Variants in KHDRBS2 observed in about 807,000 individuals in gnomAD.
The protein encoded by KHDRBS2 is KH RNA binding domain containing, signal transduction associated 2, also known as KH domain-containing, RNA-binding, signal transduction-associated protein 2.
In KHDRBS2, 26 loss-of-function variants were observed where a neutral mutation model predicts 44.3. That is an observed-to-expected ratio of 0.59 (90% confidence interval 0.43 to 0.81). The LOEUF is 0.81. Among genes scored for constraint, KHDRBS2 ranks in the 40% least tolerant of loss-of-function variants. The pLI is 0.00. For synonymous variants in KHDRBS2, 194 were observed against 151.1 expected, an observed-to-expected ratio of 1.28 and a Z score of -2.08; for missense variants, 476 against 433.1, an observed-to-expected ratio of 1.10 and a Z score of -0.88.
At chr6:62,061,198 G>C (rs1167192309) in intron 2 of KHDRBS2, among the ~76,000 whole-genome samples, 1 of 151,484 alleles carries the variant, frequency 6.6e-6, no homozygotes, top group African/African-American at 2.4e-5. Context: ...TGTTATGTGT[G>C]AATTTGATCC....
chr6:62,251,904 G>A (rs1170706784), intron 1 of KHDRBS2, among the ~76,000 whole-genome samples: 1 of 151,776 alleles, frequency 6.6e-6, no homozygotes, highest in Non-Finnish European at 1.5e-5. Context: ...TAAAAGTTGT[G>A]AGGATAATAA....
At chr6:61,988,301 G>T (rs1775456213) in intron 3 of KHDRBS2, among the ~76,000 whole-genome samples, 1 of 152,114 alleles carries the variant, frequency 6.6e-6, no homozygotes, top group African/African-American at 2.4e-5. Flanking sequence ...AAAGTTGATA[G>T]GTCTTCACTC....
chr6:61,978,166 C>T lies in KHDRBS2; in HGVS notation c.383G>A (p.Ser128Asn). The T allele has an allele frequency of 5.6e-6, 9 of 1,611,222 alleles. No homozygotes were observed. The highest frequency in any genetic ancestry group is 7.6e-6 in the Non-Finnish European group (9 of 1,178,476). Reference sequence around the variant, plus strand: ...TTCAATTAATACATGAAGCTCATCACTCAAGTGGGCATATTTGGCTTCCCC... The same window carrying T: ...TTCAATTAATACATGAAGCTCATCATTCAAGTGGGCATATTTGGCTTCCCC... Reference protein sequence around the residue: ...KSGEAKYAHLSDELHVLIEVF... With the variant: ...KSGEAKYAHLNDELHVLIEVF... Residue 128 changes from serine (S) to asparagine (N), a missense_variant, in exon 4 of 9, where the codon AGT becomes AAT. Transcript: ENST00000281156.
intron 1 of KHDRBS2, among the ~76,000 whole-genome samples, chr6:62,238,200 G>A (rs1034638451): frequency 5.9e-5 from 9 of 152,078 alleles, no homozygotes; most frequent in Admixed American, 5.9e-4. Context: ...TTGCACAGTA[G>A]CTTATTAATA....
intron 8 of KHDRBS2, among the ~76,000 whole-genome samples, chr6:61,683,515 T>C (rs1766519676): frequency 1.3e-5 from 2 of 151,920 alleles, no homozygotes; most frequent in African/African-American, 2.4e-5. Flanking sequence ...ACAAGGGAAC[T>C]ATGCAGAAAG....
At chr6:62,224,473 TG>T (rs1359469706) in intron 1 of KHDRBS2, among the ~76,000 whole-genome samples, 1 of 152,204 alleles carries the variant, frequency 6.6e-6, no homozygotes, top group African/African-American at 2.4e-5. Flanking sequence ...CTCTTTCATC[TG>T]GTATTAAGAT....
intron 2 of KHDRBS2, among the ~76,000 whole-genome samples, chr6:62,087,383 A>G (rs1798594254): frequency 6.6e-6 from 1 of 152,100 alleles, no homozygotes; most frequent in Non-Finnish European, 1.5e-5. Flanking sequence ...AACTAAGGCA[A>G]AGATTAGAAA....
intron 4 of KHDRBS2, among the ~76,000 whole-genome samples, chr6:61,941,087 C>A (rs1486984338): frequency 6.6e-6 from 1 of 152,162 alleles, no homozygotes; most frequent in Non-Finnish European, 1.5e-5. Context: ...TGAGAACAAG[C>A]CCGCCCAGCT....
At chr6:61,868,994 GA>G (rs1192207680) in intron 6 of KHDRBS2, among the ~76,000 whole-genome samples, 17 of 152,166 alleles carry the variant, frequency 1.1e-4, no homozygotes, top group Non-Finnish European at 1.2e-4. Context: ...GGGATCTCCT[GA>G]TCCGAGGGTT....
intron 6 of KHDRBS2, among the ~76,000 whole-genome samples, chr6:61,850,927 T>C (rs1021710572): frequency 6.6e-6 from 1 of 152,072 alleles, no homozygotes; most frequent in African/African-American, 2.4e-5. Context: ...TCCAGGCTTG[T>C]TCTAGTTGGG....
intron 6 of KHDRBS2, among the ~76,000 whole-genome samples, chr6:61,850,164 C>A (rs1222292317): frequency 6.6e-6 from 1 of 151,914 alleles, no homozygotes; most frequent in Non-Finnish European, 1.5e-5. Context: ...GATTTCAAAT[C>A]TCTATTTTAA....
intron 1 of KHDRBS2, among the ~76,000 whole-genome samples, chr6:62,196,510 C>A (rs566202008): frequency 4.6e-5 from 7 of 152,202 alleles, no homozygotes; most frequent in Admixed American, 2.0e-4. Context: ...CCCAAACCAC[C>A]AAGCTCCCTG....
chr6:61,888,223 T>C (rs983550058), intron 6 of KHDRBS2, among the ~76,000 whole-genome samples: 26 of 152,304 alleles, frequency 1.7e-4, no homozygotes, highest in African/African-American at 5.8e-4. Context: ...ACCTTTGCCA[T>C]TGGTGGCTGA....
At chr6:61,543,712 G>A in the KHDRBS2 span, among the ~76,000 whole-genome samples, 1 of 152,034 alleles carries the variant, frequency 6.6e-6, no homozygotes, top group Non-Finnish European at 1.5e-5. Context: ...TTGTCCATCA[G>A]CAGATGAATG....
At chr6:61,641,957 C>G in the KHDRBS2 span, among the ~76,000 whole-genome samples, 5 of 152,242 alleles carry the variant, frequency 3.3e-5, no homozygotes, top group South Asian at 4.1e-4. Flanking sequence ...TTAGTCCTCT[C>G]AATTCTACAA....
chr6:61,620,513 A>G, the KHDRBS2 span, among the ~76,000 whole-genome samples: 3,722 of 152,292 alleles, frequency 0.024, 71 homozygotes, highest in Middle Eastern at 0.088. Context: ...TACAAGATGT[A>G]TTGTTCTGTG....
At chr6:61,969,208 G>A (rs1049005628) in intron 4 of KHDRBS2, among the ~76,000 whole-genome samples, 21 of 151,948 alleles carry the variant, frequency 1.4e-4, no homozygotes, top group African/African-American at 4.8e-4. Context: ...TAGAACTTAA[G>A]GTTGATAATG....
chr6:62,216,326 T>C (rs1046418669), intron 1 of KHDRBS2, among the ~76,000 whole-genome samples: 3 of 151,936 alleles, frequency 2.0e-5, no homozygotes, highest in East Asian at 1.9e-4. Context: ...AATAGGTTGA[T>C]TGACACTTTT....
intron 6 of KHDRBS2, among the ~76,000 whole-genome samples, chr6:61,747,418 G>T (rs755591988): frequency 2.6e-5 from 4 of 152,106 alleles, no homozygotes; most frequent in Admixed American, 6.6e-5. Flanking sequence ...ATATTTTTAA[G>T]TTTTTGCCCC....
Sources: gnomAD v4.1 joint callset for allele counts (sites outside exome capture counted in the v4.1 genomes callset) on GRCh38, gnomAD v4.1.1 for gene constraint, MANE v1.5 for transcripts, NCBI Gene and HGNC (gene_info 2026-07-23, HGNC 2026-07-21) for gene names.